MDGA2: variants seen among roughly 807,000 people sequenced by gnomAD.
MDGA2 encodes MAM domain containing glycosylphosphatidylinositol anchor 2.
In MDGA2, 40 loss-of-function variants were observed where a neutral mutation model predicts 117.8. The ratio of observed to expected loss-of-function variants is 0.34; its 90% CI spans 0.26 to 0.44. The LOEUF is 0.44. MDGA2 is among the 20% of genes least tolerant of loss of function. The pLI, the probability that MDGA2 is intolerant of heterozygous loss-of-function variation, is 1.00. For missense variants in MDGA2, 1,123 were observed against 1,250.6 expected (o/e 0.90, Z 1.54); for synonymous variants, 452 against 439.0 (o/e 1.03, Z -0.37).
At chr14:46,854,895 AATCAT>A in intron 15 of MDGA2, 124 bp downstream of exon 15, 1 of 781,214 alleles carries the variant, frequency 1.3e-6, no homozygotes, top group Non-Finnish European at 1.9e-6. Flanking sequence ...AGCAAAACCT[AATCAT>A]ATAATTTTTG....
At position 47,645,039 on chromosome 14, in the gene MDGA2, G is replaced by T. The variant is rs148325154; in HGVS notation, c.280+29478C>A. 6.7e-4 allele frequency among the ~76,000 whole-genome samples: 102 copies of T among 152,182 alleles called. 1 individual carries two copies. The highest frequency in any genetic ancestry group is 1.3e-3 in the Non-Finnish European group (88 of 67,994). On this transcript the variant is annotated intron_variant, in intron 1 of 16. Transcript: ENST00000399232. ...GGAAACTGATTTTCCCCTAGAGCCTGCAGAAAAAATCATAGCCCTACAGAC... is the reference window on the plus strand; with the variant it reads ...GGAAACTGATTTTCCCCTAGAGCCTTCAGAAAAAATCATAGCCCTACAGAC...
intron 1 of MDGA2, among the ~76,000 whole-genome samples, chr14:47,533,641 C>A (rs1356017701): frequency 6.6e-6 from 1 of 152,094 alleles, no homozygotes; most frequent in Non-Finnish European, 1.5e-5. Context: ...TGCCTGTGTC[C>A]TAATTTGGAA....
intron 1 of MDGA2, among the ~76,000 whole-genome samples, chr14:47,362,609 T>A (rs1891148997): frequency 6.6e-6 from 1 of 152,134 alleles, no homozygotes; most frequent in Non-Finnish European, 1.5e-5. Flanking sequence ...TCTGAATATA[T>A]AAGATTATAA....
chr14:47,556,642 G>A (rs951634884), intron 1 of MDGA2, among the ~76,000 whole-genome samples: 3 of 152,132 alleles, frequency 2.0e-5, no homozygotes, highest in African/African-American at 7.2e-5. Context: ...ATCCCAGTCT[G>A]CAGAATGGAG....
At chr14:47,068,175 G>A (rs954750284) in intron 6 of MDGA2, among the ~76,000 whole-genome samples, 8 of 152,044 alleles carry the variant, frequency 5.3e-5, no homozygotes, top group African/African-American at 1.7e-4. Flanking sequence ...AATTGTTTAA[G>A]CATAGTATGG....
intron 1 of MDGA2, among the ~76,000 whole-genome samples, chr14:47,537,436 C>A (rs1187223955): frequency 2.0e-5 from 3 of 150,796 alleles, no homozygotes; most frequent in East Asian, 2.0e-4. Context: ...GCACATGTAC[C>A]CTAAAACTTA....
intron 9 of MDGA2, among the ~76,000 whole-genome samples, 166 bp from the exon 10 acceptor site, chr14:46,920,326 T>G (rs573181072): frequency 1.3e-5 from 2 of 152,332 alleles, no homozygotes; most frequent in African/African-American, 4.8e-5. Context: ...ATTTCCTGGT[T>G]GATTGGATGG....
At chr14:47,133,363 C>T (rs1882302888) in intron 4 of MDGA2, among the ~76,000 whole-genome samples, 1 of 151,852 alleles carries the variant, frequency 6.6e-6, no homozygotes, top group Non-Finnish European at 1.5e-5. Flanking sequence ...AATTAGTCAA[C>T]TCAGATAATT....
intron 8 of MDGA2, among the ~76,000 whole-genome samples, chr14:47,023,205 A>AAAAAAG (rs1888354155): frequency 6.8e-6 from 1 of 146,440 alleles, no homozygotes; most frequent in Non-Finnish European, 1.5e-5. Context: ...TCGTAAAAAA[A>AAAAAAG]AAAAAAAAAA....
chr14:47,478,553 T>C (rs991550040), intron 1 of MDGA2, among the ~76,000 whole-genome samples: 5 of 151,984 alleles, frequency 3.3e-5, no homozygotes, highest in African/African-American at 1.2e-4. Flanking sequence ...TTTTGTATTT[T>C]TTTGCAGAGA....
Position 47,035,072 on chromosome 14 carries a change from G to A in MDGA2, c.1758C>T (p.Thr586=), listed in dbSNP as rs1566585006. 1.2e-6 allele frequency: 2 copies of A among 1,614,032 alleles called. No individual in the cohort carries two copies. The highest frequency in any genetic ancestry group is 1.7e-6 in the Non-Finnish European group (2 of 1,179,998). ...TCACGTTAAATCCATTGTATTGGCT[G>A]GTCTGACATCTGTACATTCCTGACA... ...REMSGMYRCQ[T]SQYNGFNVKP... Residue 586 remains threonine, a synonymous_variant, in exon 8 of 17, where the codon ACC becomes ACT. Transcript: ENST00000399232.
chr14:46,968,990 G>C (rs10148184), intron 8 of MDGA2, among the ~76,000 whole-genome samples: 151,166 of 152,326 alleles, frequency 0.99, 75,014 homozygotes, highest in East Asian at 1. Flanking sequence ...GCAATAGCTA[G>C]AAAAAATATA....
At chr14:47,335,234 G>A (rs1890404535) in intron 1 of MDGA2, among the ~76,000 whole-genome samples, 1 of 124,352 alleles carries the variant, frequency 8.0e-6, no homozygotes, top group South Asian at 2.5e-4. Flanking sequence ...TAAAATGTAA[G>A]CAACATTATT....
At chr14:47,602,980 C>T (rs1346392761) in intron 1 of MDGA2, among the ~76,000 whole-genome samples, 1 of 152,146 alleles carries the variant, frequency 6.6e-6, no homozygotes, top group Non-Finnish European at 1.5e-5. Flanking sequence ...GACCATCAGT[C>T]CTACATTAAG....
intron 3 of MDGA2, among the ~76,000 whole-genome samples, chr14:47,180,836 G>C (rs1373293432): frequency 6.6e-6 from 1 of 152,094 alleles, no homozygotes; most frequent in African/African-American, 2.4e-5. Context: ...TAGGAGAATC[G>C]CTTGAACCCG....
intron 1 of MDGA2, among the ~76,000 whole-genome samples, chr14:47,594,133 A>G (rs986671173): frequency 3.9e-4 from 60 of 152,304 alleles, no homozygotes; most frequent in African/African-American, 1.3e-3. Context: ...GCATAGAGTG[A>G]AGCAATAGTC....
chr14:47,436,628 T>G (rs982708624), intron 1 of MDGA2, among the ~76,000 whole-genome samples: 1 of 152,044 alleles, frequency 6.6e-6, no homozygotes, highest in African/African-American at 2.4e-5. Flanking sequence ...CTGGGCCACA[T>G]TAAAATAAGA....
At chr14:47,377,523 G>C (rs1343331598) in intron 1 of MDGA2, among the ~76,000 whole-genome samples, 1 of 152,140 alleles carries the variant, frequency 6.6e-6, no homozygotes, top group African/African-American at 2.4e-5. Flanking sequence ...CTAATACTGT[G>C]CTTTTCCAAC....
chr14:47,200,926 C>A, intron 3 of MDGA2: 1 of 837,682 alleles, frequency 1.2e-6, no homozygotes, highest in Non-Finnish European at 2.1e-6. Context: ...TGTGGGGCAG[C>A]AAGCCTCGCT....
Sources: allele counts gnomAD v4.1 joint callset (sites outside exome capture counted in the v4.1 genomes callset), GRCh38; gene constraint gnomAD v4.1.1; transcripts MANE v1.5; gene names NCBI Gene and HGNC (gene_info 2026-07-23, HGNC 2026-07-21).